Variants in NEO1 observed in about 807,000 individuals in gnomAD.
NEO1 encodes the protein neogenin.
NEO1 carries 63 observed loss-of-function variants against 159.7 expected under a neutral mutation model. That is an observed-to-expected ratio of 0.39 (90% confidence interval 0.32 to 0.49). NEO1 has a LOEUF of 0.49. Among genes scored for constraint, NEO1 ranks in the 20% least tolerant of loss-of-function variants. The probability of loss-of-function intolerance (pLI) is 0.85; values close to 1 mark genes in which losing one functional copy is unlikely to be tolerated. For synonymous variants in NEO1, 633 were observed against 662.0 expected (o/e 0.96, Z 0.67); for missense variants, 1,615 against 1,831.0 (o/e 0.88, Z 2.15).
intron 5 of NEO1, among the ~76,000 whole-genome samples, chr15:73,140,182 A>G (rs572000645): frequency 6.6e-6 from 1 of 152,360 alleles, no homozygotes; most frequent in African/African-American, 2.4e-5. Context: ...GATGAAAACC[A>G]CTGGGGACTC....
At chr15:73,099,126 T>A (rs2070254445) in intron 1 of NEO1, among the ~76,000 whole-genome samples, 1 of 152,170 alleles carries the variant, frequency 6.6e-6, no homozygotes, top group African/African-American at 2.4e-5. Context: ...CTGCTTTTGG[T>A]TTATATATAT....
intron 26 of NEO1, 142 bp downstream of exon 26, chr15:73,293,690 C>T: frequency 1.1e-6 from 1 of 923,128 alleles, no homozygotes; most frequent in Non-Finnish European, 1.6e-6. Flanking sequence ...CTGTGACTGA[C>T]TCAAATTTGT....
At chr15:73,095,562 G>A (rs943243439) in intron 1 of NEO1, among the ~76,000 whole-genome samples, 1 of 152,052 alleles carries the variant, frequency 6.6e-6, no homozygotes, top group Non-Finnish European at 1.5e-5. Flanking sequence ...TTGCCACCAG[G>A]AACAGTTTGA....
chr15:73,290,827 C>G (rs1382524067), intron 25 of NEO1, among the ~76,000 whole-genome samples: 1 of 152,082 alleles, frequency 6.6e-6, no homozygotes, highest in African/African-American at 2.4e-5. Flanking sequence ...ATCATACATG[C>G]AACGAGGTAC....
intron 1 of NEO1, among the ~76,000 whole-genome samples, chr15:73,083,332 C>T (rs2069173316): frequency 6.6e-6 from 1 of 151,938 alleles, no homozygotes; most frequent in Admixed American, 6.6e-5. Flanking sequence ...ATAGACAAGA[C>T]TTGGTGATTG....
At chr15:73,274,748 T>C in intron 21 of NEO1, 24 bp downstream of exon 21, 1 of 1,602,794 alleles carries the variant, frequency 6.2e-7, no homozygotes, top group South Asian at 1.1e-5. Flanking sequence ...TGGCCTCTCT[T>C]TTCTTTCCTT....
At chr15:73,182,293 T>A (rs1421982626) in intron 7 of NEO1, among the ~76,000 whole-genome samples, 1 of 151,718 alleles carries the variant, frequency 6.6e-6, no homozygotes, top group Non-Finnish European at 1.5e-5. Flanking sequence ...ACCATATCAC[T>A]AGAAGAATGG....
At chr15:73,193,097 AT>A (rs573357410) in intron 7 of NEO1, among the ~76,000 whole-genome samples, 1 of 152,066 alleles carries the variant, frequency 6.6e-6, no homozygotes, top group African/African-American at 2.4e-5. Flanking sequence ...TTAATATAGC[AT>A]TTTTTTCCTA....
At chr15:73,143,674 C>T (rs978773593) in intron 5 of NEO1, among the ~76,000 whole-genome samples, 2 of 152,120 alleles carry the variant, frequency 1.3e-5, no homozygotes, top group Non-Finnish European at 2.9e-5. Flanking sequence ...GCACTTTCCC[C>T]CTAAATCTGG....
intron 7 of NEO1, among the ~76,000 whole-genome samples, chr15:73,190,283 A>G (rs978701474): frequency 1.3e-5 from 2 of 152,216 alleles, no homozygotes; most frequent in African/African-American, 4.8e-5. Flanking sequence ...ATGTGAAAAC[A>G]TAGAAATACA....
At chr15:73,148,909 T>C (rs1323780132) in intron 5 of NEO1, among the ~76,000 whole-genome samples, 1 of 151,778 alleles carries the variant, frequency 6.6e-6, no homozygotes, top group Non-Finnish European at 1.5e-5. Context: ...AAGTGAGATA[T>C]TTAAAATAGA....
At chr15:73,051,930 G>A (rs2067452175), upstream of NEO1, 1 of 152,450 alleles carries the variant, frequency 6.6e-6, no homozygotes, top group East Asian at 1.9e-4. Flanking sequence ...CGGCCTCCCG[G>A]ACCAGCCTGA....
intron 5 of NEO1, among the ~76,000 whole-genome samples, chr15:73,136,619 C>T (rs1374792915): frequency 6.6e-6 from 1 of 152,184 alleles, no homozygotes; most frequent in Non-Finnish European, 1.5e-5. Flanking sequence ...TTCCTCTCTT[C>T]ATACTTCTGA....
At chr15:73,248,052 T>C (rs1187496201) in intron 9 of NEO1, among the ~76,000 whole-genome samples, 2 of 152,224 alleles carry the variant, frequency 1.3e-5, no homozygotes, top group East Asian at 1.9e-4. Flanking sequence ...TTGGGAAAGA[T>C]TGTTAACTTC....
intron 1 of NEO1, among the ~76,000 whole-genome samples, chr15:73,076,773 C>T (rs901699338): frequency 6.6e-6 from 1 of 152,150 alleles, no homozygotes; most frequent in African/African-American, 2.4e-5. Context: ...TTTGCTACTG[C>T]TCAGGCTACC....
At chr15:73,215,185 T>G (rs2037803744) in intron 7 of NEO1, among the ~76,000 whole-genome samples, 1 of 152,158 alleles carries the variant, frequency 6.6e-6, no homozygotes, top group African/African-American at 2.4e-5. Context: ...TGGAGGAGTC[T>G]TTAGGGTTTT....
At position 73,116,872 on chromosome 15, in the gene NEO1, A is replaced by T; in HGVS notation, c.448+15A>T. The stretch of plus-strand genomic sequence containing the variant: ...CATAGTAGCAGGTAAGTTTTAAGTG[A>T]TTTTTTTTTTTGCATTTTCAAATAT... On this transcript the variant is annotated intron_variant, in intron 2 of 28. Transcript: ENST00000261908. 3.9e-6 allele frequency: 5 copies of T among 1,278,738 alleles called. No individual in the cohort carries two copies. Among genetic ancestry groups the T allele is most frequent in the Non-Finnish European group, 5.3e-6 (5 of 951,638 alleles). The allele number at this position is 1,278,738 out of a possible 1,614,324, so 79.2% of individuals were successfully genotyped here.
chr15:73,186,184 T>G (rs201495775), intron 7 of NEO1, among the ~76,000 whole-genome samples: 1 of 144,340 alleles, frequency 6.9e-6, no homozygotes, highest in East Asian at 2.1e-4. Context: ...AAAAAAAAAA[T>G]GTGAGCTAGA....
At chr15:73,082,694 T>G (rs1395045854) in intron 1 of NEO1, among the ~76,000 whole-genome samples, 1 of 152,220 alleles carries the variant, frequency 6.6e-6, no homozygotes, top group East Asian at 1.9e-4. Flanking sequence ...AAATGAATTA[T>G]TAATACATAT....
Sources: allele counts gnomAD v4.1 joint callset (sites outside exome capture counted in the v4.1 genomes callset), GRCh38; gene constraint gnomAD v4.1.1; transcripts MANE v1.5; gene names NCBI Gene and HGNC (gene_info 2026-07-23, HGNC 2026-07-21).